LIFR: variants seen among roughly 807,000 people sequenced by gnomAD.
LIFR encodes leukemia inhibitory factor receptor.
LIFR carries 84 observed loss-of-function variants against 122.2 expected under a neutral mutation model. The observed-to-expected ratio is 0.69, with a 90% CI of 0.58 to 0.82. The LOEUF (loss-of-function observed/expected upper bound fraction) is 0.82, where lower values mean the gene tolerates loss of function less well. Among genes scored for constraint, LIFR ranks in the 40% least tolerant of loss-of-function variants. LIFR has a pLI of 0.00. For missense variants in LIFR, 1,294 were observed against 1,311.6 expected, an observed-to-expected ratio of 0.99 and a Z score of 0.21; for synonymous variants, 422 against 434.7, an observed-to-expected ratio of 0.97 and a Z score of 0.36.
rs1253878488 is a variant in LIFR, at chr5:38,510,445, T to C, written c.991+19A>G. The C allele has an allele frequency of 1.2e-6, 2 of 1,610,320 alleles. No homozygotes were observed. The highest frequency in any genetic ancestry group is 2.2e-5 in the South Asian group (2 of 91,000). On this transcript the variant is annotated intron_variant, in intron 7 of 19. Coordinates refer to ENST00000453190, the MANE Select transcript of LIFR (RefSeq NM_001127671.2). ...AAAACAGGTTAATAGGAATTCTCTC[T>C]TTAAAATCATATACTTACATCCAGC... is the stretch of plus-strand genomic sequence containing the variant.
chr5:38,482,578 TA>T lies in LIFR; in HGVS notation c.2670+10del. ...CACATCAAAGATAAATATAAGAAAATAAAAGATTACCTCACAGACACTCTTT... is the reference window on the plus strand; with the variant it reads ...CACATCAAAGATAAATATAAGAAAATAAAGATTACCTCACAGACACTCTTT... On this transcript the variant is annotated intron_variant, in intron 19 of 19. Coordinates refer to ENST00000453190, the MANE Select transcript of LIFR (RefSeq NM_001127671.2). 1.5e-6 allele frequency: 2 copies of T among 1,362,240 alleles called. No individual in the cohort carries two copies. Among genetic ancestry groups the T allele is most frequent in the South Asian group, 1.4e-5 (1 of 73,854 alleles). The allele number at this position is 1,362,240 out of a possible 1,614,324, so 84.4% of individuals were successfully genotyped here. A position where few individuals can be genotyped will look rare whatever the true frequency, so the allele number is the denominator to read the frequency against.
Position 38,476,261 on chromosome 5 carries a change from G to C in LIFR, c.*5334C>G. 4.8e-6 allele frequency: 1 copy of C among 208,292 alleles called. No homozygotes were observed. The highest frequency in any genetic ancestry group is 9.8e-6 in the Non-Finnish European group (1 of 102,300). 12.9% of individuals were successfully genotyped at this position (208,292 alleles called of 1,614,324 possible). On this transcript the variant is annotated 3_prime_UTR_variant, in exon 20 of 20. Coordinates refer to ENST00000453190, the MANE Select transcript of LIFR (RefSeq NM_001127671.2). ...CAATTGCAAAAACACTAATACTAATGTTAAACCTAACAGTTAACTTTTCCA... is the reference window on the plus strand; with the variant it reads ...CAATTGCAAAAACACTAATACTAATCTTAAACCTAACAGTTAACTTTTCCA...
upstream of LIFR, chr5:38,558,202 A>G (rs948438800): frequency 5.5e-5 from 8 of 145,266 alleles, no homozygotes; most frequent in Admixed American, 2.7e-4. Flanking sequence ...GTGTGTGTGT[A>G]TATGTATATA....
intron 11 of LIFR, among the ~76,000 whole-genome samples, chr5:38,500,437 T>C (rs1391119766): frequency 1.3e-5 from 2 of 152,222 alleles, no homozygotes; most frequent in African/African-American, 4.8e-5. Flanking sequence ...CAAGAACACA[T>C]AAAATTCATT....
intron 7 of LIFR, among the ~76,000 whole-genome samples, chr5:38,508,702 G>A (rs1254087942): frequency 2.0e-5 from 3 of 151,726 alleles, no homozygotes; most frequent in South Asian, 2.1e-4. Context: ...TCAGCTTCCC[G>A]AGTAGCTGAG....
chr5:38,550,298 G>T, intron 1 of LIFR: 2 of 832,832 alleles, frequency 2.4e-6, no homozygotes, highest in Non-Finnish European at 2.9e-6. Flanking sequence ...AAGCACAACT[G>T]AAAAAAAAAC....
chr5:38,544,980 T>G (rs1291389430), intron 1 of LIFR, among the ~76,000 whole-genome samples: 1 of 152,152 alleles, frequency 6.6e-6, no homozygotes, highest in East Asian at 1.9e-4. Flanking sequence ...TTAAAAAACT[T>G]AAATCATGGC....
At chr5:38,512,208 C>A (rs1745838155) in intron 5 of LIFR, among the ~76,000 whole-genome samples, 1 of 152,138 alleles carries the variant, frequency 6.6e-6, no homozygotes, top group Non-Finnish European at 1.5e-5. Flanking sequence ...TTGAAACATT[C>A]AATTTGGTAT....
rs558162729 is a variant in LIFR at position 38,517,713 on chromosome 5, C to T, written c.561+5706G>A. On this transcript the variant is annotated intron_variant, in intron 5 of 19. Coordinates refer to ENST00000453190, the MANE Select transcript of LIFR (RefSeq NM_001127671.2). ...TCCACTAAAAATACAAAAAGTTAGT[C>T]GGGCGTGGTGGCATGTGCCTGTAGT... 7.9e-5 allele frequency among the ~76,000 whole-genome samples: 12 copies of T among 151,464 alleles called. 1 individual carries two copies. In the East Asian group the frequency reaches 1.9e-3, roughly 25 times the overall value.
intron 5 of LIFR, among the ~76,000 whole-genome samples, chr5:38,519,511 C>T (rs1004926566): frequency 5.9e-5 from 9 of 152,122 alleles, no homozygotes; most frequent in African/African-American, 2.2e-4. Flanking sequence ...TACATGGATG[C>T]TAACTACAGT....
At chr5:38,501,377 T>G (rs1432116003) in intron 11 of LIFR, among the ~76,000 whole-genome samples, 1 of 152,260 alleles carries the variant, frequency 6.6e-6, no homozygotes, top group Non-Finnish European at 1.5e-5. Flanking sequence ...TGCTTTGCTA[T>G]TTCTTAAATT....
At position 38,475,513 on chromosome 5, in the gene LIFR, T is replaced by G. The variant is rs1376206858; in HGVS notation, c.*6082A>C. ...TGGGATCCGCAGTTTCTCCCTATCT[T>G]CTTTCAGCTACATTTACAAGCATTT... On this transcript the variant is annotated 3_prime_UTR_variant, in exon 20 of 20. Transcript: ENST00000453190. 5.2e-6 allele frequency: 1 copy of G among 193,074 alleles called. No homozygotes were observed. Among genetic ancestry groups the G allele is most frequent in the Admixed American group, 6.1e-5 (1 of 16,356 alleles). 12.0% of individuals were successfully genotyped at this position (193,074 alleles called of 1,614,324 possible). A position where few individuals can be genotyped will look rare whatever the true frequency, so the allele number is the denominator to read the frequency against.
At position 38,478,291 on chromosome 5, in the gene LIFR, G is replaced by T; in HGVS notation, c.*3304C>A. ...TGTAATAGTACTAAATGTTCTAAAT[G>T]TAATCTTTCAGATCCACGAGCGGTG... On this transcript the variant is annotated 3_prime_UTR_variant, in exon 20 of 20. Coordinates refer to ENST00000453190, the MANE Select transcript of LIFR (RefSeq NM_001127671.2). 4.9e-6 allele frequency: 1 copy of T among 206,014 alleles called. No individual in the cohort carries two copies. The highest frequency in any genetic ancestry group is 9.9e-6 in the Non-Finnish European group (1 of 100,770). The allele number at this position is 206,014 out of a possible 1,614,324, so 12.8% of individuals were successfully genotyped here.
chr5:38,537,800 C>G (rs1261311528), intron 1 of LIFR, among the ~76,000 whole-genome samples: 1 of 151,840 alleles, frequency 6.6e-6, no homozygotes, highest in East Asian at 1.9e-4. Flanking sequence ...GCTCCTTTTT[C>G]TAATTGGGCA....
chr5:38,490,254 C>G lies in LIFR; in HGVS notation c.2103G>C (p.Leu701=). 6.3e-7 allele frequency: 1 copy of G among 1,582,178 alleles called. No individual in the cohort carries two copies. Among genetic ancestry groups the G allele is most frequent in the East Asian group, 2.3e-5 (1 of 44,386 alleles). Residue 701 remains leucine, a synonymous_variant, in exon 15 of 20, where the codon CTG becomes CTC. Coordinates refer to ENST00000453190, the MANE Select transcript of LIFR (RefSeq NM_001127671.2). Reference sequence around the variant, plus strand: ...GATATCCTTGATTTCTGCATCCATACAGGAAAAAATTATATCTTATACCTG... The same window carrying G: ...GATATCCTTGATTTCTGCATCCATAGAGGAAAAAATTATATCTTATACCTG... ...FRPGIRYNFF[L]YGCRNQGYQL...
rs1745823991 is a variant in LIFR, at chr5:38,511,904, C to G, written c.622G>C (p.Asp208His). The G allele has an allele frequency of 1.9e-6, 3 of 1,614,026 alleles. No individual in the cohort carries two copies. Among genetic ancestry groups the G allele is most frequent in the South Asian group, 1.1e-5 (1 of 91,088 alleles). The change falls in exon 6 of 20, where the codon GAT becomes CAT. Residue 208 changes from aspartate (D) to histidine (H), a missense_variant. Asp to His is a moderately conservative substitution (Grantham distance 81). Coordinates refer to ENST00000453190, the MANE Select transcript of LIFR (RefSeq NM_001127671.2). ...TGAATGGCACATTCCAAGGGCATAT[C>G]TGAGGCCCAACTCCAGTGATGAAGT... ...DTLHHWSWAS[D>H]MPLECAIHFV...
intron 5 of LIFR, among the ~76,000 whole-genome samples, chr5:38,520,753 A>T (rs910259506): frequency 2.0e-5 from 3 of 152,156 alleles, no homozygotes; most frequent in African/African-American, 7.2e-5. Flanking sequence ...ATAAAAACAT[A>T]GTTATTTCTG....
At chr5:38,537,591 C>T (rs891450526) in intron 1 of LIFR, among the ~76,000 whole-genome samples, 4 of 151,924 alleles carry the variant, frequency 2.6e-5, no homozygotes, top group South Asian at 2.1e-4. Flanking sequence ...GAAAACATGA[C>T]GAAAACTTAT....
chr5:38,586,716 C>T (rs1343224639), intron 1 of LIFR, among the ~76,000 whole-genome samples: 2 of 151,912 alleles, frequency 1.3e-5, no homozygotes, highest in Non-Finnish European at 2.9e-5. Context: ...GTAGCCAGAC[C>T]CGAGGCCCTT....
Sources: gnomAD v4.1 joint callset for allele counts (sites outside exome capture counted in the v4.1 genomes callset) on GRCh38, gnomAD v4.1.1 for gene constraint, MANE v1.5 for transcripts, NCBI Gene and HGNC (gene_info 2026-07-23, HGNC 2026-07-21) for gene names.